Variants in KCNN2 observed in about 807,000 individuals in gnomAD.
The protein encoded by KCNN2 is potassium calcium-activated channel subfamily N member 2.
Under a neutral mutation model 55.5 loss-of-function variants are expected in KCNN2, and 24 were observed. The observed-to-expected ratio is 0.43, with a 90% CI of 0.31 to 0.61. The LOEUF is 0.61. Ranked by LOEUF, KCNN2 falls within the 20% of genes least tolerant of loss-of-function variation. The pLI, the probability that KCNN2 is intolerant of heterozygous loss-of-function variation, is 0.08. For synonymous variants in KCNN2, 431 were observed against 336.1 expected, an observed-to-expected ratio of 1.28 and a Z score of -3.09; for missense variants, 754 against 853.6, an observed-to-expected ratio of 0.88 and a Z score of 1.45.
At chr5:114,056,030 G>C (rs1750197908), upstream of KCNN2, 1 of 238,356 alleles carries the variant, frequency 4.2e-6, no homozygotes, top group Non-Finnish European at 8.0e-6. Flanking sequence ...TGCAGGACTC[G>C]CTCCTGCCAG....
intron 1 of KCNN2, among the ~76,000 whole-genome samples, chr5:114,149,242 C>T (rs1009880340): frequency 6.6e-6 from 1 of 152,098 alleles, no homozygotes; most frequent in African/African-American, 2.4e-5. Flanking sequence ...AGGGGAGAGT[C>T]AGAAAAGGTG....
intron 2 of KCNN2, among the ~76,000 whole-genome samples, chr5:114,313,528 A>G (rs928039462): frequency 3.9e-5 from 6 of 152,172 alleles, no homozygotes; most frequent in East Asian, 1.9e-4. Context: ...CGTGTGGACA[A>G]AGATGAAGAT....
rs529579074 is a variant in KCNN2 at position 114,455,527 on chromosome 5, G to A, written c.1638-7522G>A. The stretch of plus-strand genomic sequence containing the variant: ...TGATACTTAAATGAGGCCAACTAAT[G>A]ACCTACAATGGCTTCCAAGTGTTCA... On this transcript the variant is annotated intron_variant, in intron 3 of 7. Coordinates refer to ENST00000673685, the MANE Select transcript of KCNN2 (RefSeq NM_021614.4). Among the ~76,000 whole-genome samples the A allele has an allele frequency of 3.3e-5, 5 of 152,296 alleles. No homozygotes were observed. In the South Asian group the frequency reaches 1.0e-3, roughly 32 times the overall value.
At chr5:114,364,904 T>A (rs1354910355) in intron 2 of KCNN2, among the ~76,000 whole-genome samples, 1 of 151,976 alleles carries the variant, frequency 6.6e-6, no homozygotes, top group Non-Finnish European at 1.5e-5. Context: ...GAGTTTTTTT[T>A]TTTCTTTTTT....
At chr5:114,161,041 G>A (rs1752766387) in intron 1 of KCNN2, among the ~76,000 whole-genome samples, 1 of 152,164 alleles carries the variant, frequency 6.6e-6, no homozygotes, top group African/African-American at 2.4e-5. Flanking sequence ...ATTTGATCCT[G>A]TCATTATGAT....
chr5:114,261,638 A>G (rs905625071), intron 2 of KCNN2, among the ~76,000 whole-genome samples: 1 of 152,224 alleles, frequency 6.6e-6, no homozygotes, highest in East Asian at 1.9e-4. Flanking sequence ...TATTTTCCCT[A>G]CAGTATACTA....
intron 5 of KCNN2, among the ~76,000 whole-genome samples, chr5:114,484,534 C>G (rs1762367096): frequency 1.3e-5 from 2 of 152,158 alleles, no homozygotes; most frequent in South Asian, 4.1e-4. Context: ...ATATCACTTT[C>G]TTTTGCCAAC....
chr5:114,152,969 C>T (rs1221266393), intron 1 of KCNN2, among the ~76,000 whole-genome samples: 4 of 152,100 alleles, frequency 2.6e-5, no homozygotes, highest in Admixed American at 2.6e-4. Flanking sequence ...TTGGCTTGAA[C>T]AAGGCTGGTG....
chr5:114,299,598 C>A (rs1042858634), intron 2 of KCNN2, among the ~76,000 whole-genome samples: 1 of 152,158 alleles, frequency 6.6e-6, no homozygotes, highest in Non-Finnish European at 1.5e-5. Flanking sequence ...GATGTAACAT[C>A]TGTGTCATCT....
rs904812470 is a variant in KCNN2 at position 114,236,300 on chromosome 5, T to A, written c.-185+14735T>A. Among the ~76,000 whole-genome samples the A allele has an allele frequency of 2.0e-5, 3 of 152,198 alleles. 1 individual carries two copies. The highest frequency in any genetic ancestry group is 1.9e-4 in the East Asian group (1 of 5,194). On this transcript the variant is annotated intron_variant, in intron 2 of 10. Coordinates refer to the KCNN2 transcript ENST00000512097. ...TAGCTAAGTGTGTAGTTGGTGTACT[T>A]ATAGAAGGAAAAGAAAATAAATTTT...
intron 1 of KCNN2, among the ~76,000 whole-genome samples, chr5:114,114,563 T>G (rs1208821764): frequency 6.6e-6 from 1 of 152,028 alleles, no homozygotes; most frequent in South Asian, 2.1e-4. Flanking sequence ...CTGTTAAAGG[T>G]TCTAGGGATG....
At chr5:114,071,003 T>C (rs1750557257) in intron 1 of KCNN2, among the ~76,000 whole-genome samples, 1 of 152,222 alleles carries the variant, frequency 6.6e-6, no homozygotes, top group Non-Finnish European at 1.5e-5. Flanking sequence ...ATTAGCTTCA[T>C]GCAAAGCATG....
intron 3 of KCNN2, among the ~76,000 whole-genome samples, chr5:114,457,560 A>G (rs959368357): frequency 2.0e-5 from 3 of 152,148 alleles, no homozygotes; most frequent in Admixed American, 6.5e-5. Context: ...TCTTCACCTG[A>G]TAGTATATAC....
chr5:114,160,788 TG>T (rs1475688345), intron 1 of KCNN2, among the ~76,000 whole-genome samples: 8 of 149,962 alleles, frequency 5.3e-5, no homozygotes, highest in Non-Finnish European at 1.2e-4. Context: ...TGATCTTTGT[TG>T]GTTTAAAGTC....
At chr5:114,196,728 G>GT (rs1465237320) in intron 1 of KCNN2, among the ~76,000 whole-genome samples, 2 of 151,424 alleles carry the variant, frequency 1.3e-5, no homozygotes, top group East Asian at 3.9e-4. Context: ...CATCTACTTT[G>GT]TTTTTTTCTT....
At chr5:114,377,771 C>T (rs978027320) in intron 2 of KCNN2, among the ~76,000 whole-genome samples, 1 of 152,134 alleles carries the variant, frequency 6.6e-6, no homozygotes, top group African/African-American at 2.4e-5. Flanking sequence ...ATTTTTTCAT[C>T]TGTAAAATGG....
At chr5:114,373,296 A>G (rs1243785271) in intron 2 of KCNN2, among the ~76,000 whole-genome samples, 1 of 151,950 alleles carries the variant, frequency 6.6e-6, no homozygotes, top group Non-Finnish European at 1.5e-5. Context: ...CTAAAAGGGT[A>G]TCCCTTTTGA....
intron 2 of KCNN2, among the ~76,000 whole-genome samples, chr5:114,262,821 G>GA (rs1031654003): frequency 1.3e-5 from 2 of 151,780 alleles, no homozygotes; most frequent in Admixed American, 6.6e-5. Context: ...GTATGACCTG[G>GA]AAAAAAAATG....
At chr5:114,293,736 T>A (rs1172021817) in intron 2 of KCNN2, among the ~76,000 whole-genome samples, 1 of 152,190 alleles carries the variant, frequency 6.6e-6, no homozygotes, top group Non-Finnish European at 1.5e-5. Flanking sequence ...TCCCTCTTTT[T>A]CTATTGATTG....
Sources: allele counts gnomAD v4.1 joint callset (sites outside exome capture counted in the v4.1 genomes callset), GRCh38; gene constraint gnomAD v4.1.1; transcripts MANE v1.5; gene names NCBI Gene and HGNC (gene_info 2026-07-23, HGNC 2026-07-21).